SMPD3: variants seen among roughly 807,000 people sequenced by gnomAD.
The protein encoded by SMPD3 is nSMase-2.
Under a neutral mutation model 55.7 loss-of-function variants are expected in SMPD3, and 21 were observed. The ratio of observed to expected loss-of-function variants is 0.38; its 90% confidence interval spans 0.27 to 0.54. SMPD3 has a LOEUF of 0.54. Among genes scored for constraint, SMPD3 ranks in the 20% least tolerant of loss-of-function variants. SMPD3 has a pLI of 0.80. For missense variants in SMPD3, 842 were observed against 899.6 expected (o/e 0.94, Z 0.82); for synonymous variants, 457 against 404.3 (o/e 1.13, Z -1.56).
intron 7 of SMPD3, 102 bp from the exon 8 acceptor site, chr16:68,361,861 GT>G: frequency 1.0e-4 from 126 of 1,219,356 alleles, no homozygotes; most frequent in East Asian, 4.0e-4. Context: ...GTGGGAGCGG[GT>G]GGGTGGGACC....
At chr16:68,412,908 T>C (rs7200772) in intron 1 of SMPD3, among the ~76,000 whole-genome samples, 80,221 of 152,132 alleles carry the variant, frequency 0.53, 22,366 homozygotes, top group East Asian at 0.83. Flanking sequence ...GAACATTTTT[T>C]GAGTACCTGC....
At chr16:68,388,748 G>T (rs1347867964) in intron 1 of SMPD3, among the ~76,000 whole-genome samples, 1 of 152,048 alleles carries the variant, frequency 6.6e-6, no homozygotes, top group African/African-American at 2.4e-5. Flanking sequence ...GGTTCCTGAG[G>T]GGAAATGGAA....
At chr16:68,366,290 G>T (rs574312877) in intron 3 of SMPD3, among the ~76,000 whole-genome samples, 51 of 152,108 alleles carry the variant, frequency 3.4e-4, no homozygotes, top group Non-Finnish European at 4.6e-4. Flanking sequence ...GGTCAGGCTG[G>T]TATTATCTCC....
rs548308721 is a variant in SMPD3, at chr16:68,361,308, C to G, written c.1867-1G>C. 1 of 1,609,608 alleles carries G rather than the reference C, an allele frequency of 6.2e-7. No individual in the cohort carries two copies. The highest frequency in any genetic ancestry group is 2.2e-5 in the East Asian group (1 of 44,518). On this transcript the variant is annotated splice_acceptor_variant, in intron 8 of 8. Transcript: ENST00000219334. LOFTEE classifies it high-confidence loss of function. ...TGATAAAACTGAATTCTTCCACCTC[C>G]TGGGGTGAGTGGGAGAGGGGAGAAA...
intron 3 of SMPD3, chr16:68,367,208 C>T (rs1267474796): frequency 2.6e-5 from 4 of 152,298 alleles, no homozygotes; most frequent in African/African-American, 9.7e-5. Flanking sequence ...CGTCTTCAGG[C>T]AACAACTGCT....
intron 1 of SMPD3, among the ~76,000 whole-genome samples, chr16:68,409,295 AG>A (rs2090279048): frequency 6.6e-6 from 1 of 151,880 alleles, no homozygotes; most frequent in Non-Finnish European, 1.5e-5. Context: ...GGATGTGGGG[AG>A]GGGGTGCAGT....
chr16:68,385,987 C>T (rs1176740320), intron 2 of SMPD3, among the ~76,000 whole-genome samples: 2 of 152,148 alleles, frequency 1.3e-5, no homozygotes, highest in African/African-American at 4.8e-5. Flanking sequence ...CATTGGGAGG[C>T]CAAGGCGGGC....
intron 1 of SMPD3, among the ~76,000 whole-genome samples, chr16:68,420,036 T>A (rs2090377791): frequency 6.7e-6 from 1 of 149,246 alleles, no homozygotes; most frequent in South Asian, 2.1e-4. Flanking sequence ...TGGCCTGGAG[T>A]GCAGTGGTGT....
At chr16:68,367,081 T>A (rs1289867746) in intron 3 of SMPD3, among the ~76,000 whole-genome samples, 3 of 151,656 alleles carry the variant, frequency 2.0e-5, no homozygotes, top group African/African-American at 7.3e-5. Flanking sequence ...GGCAGGAGAA[T>A]CCCTTGGACC....
chr16:68,442,518 A>G (rs2090574681), intron 1 of SMPD3, among the ~76,000 whole-genome samples: 1 of 152,246 alleles, frequency 6.6e-6, no homozygotes, highest in Non-Finnish European at 1.5e-5. Flanking sequence ...ATGGAAATCC[A>G]GTCCTCCTTT....
In SMPD3 at chr16:68,422,320, C is replaced by T. The variant is rs1430496383; in HGVS notation, c.-269+26033G>A. 2.0e-5 allele frequency among the ~76,000 whole-genome samples: 3 copies of T among 152,290 alleles called. No individual in the cohort carries two copies. In the East Asian group the frequency reaches 5.8e-4, roughly 29 times the overall value. Reference sequence around the variant, plus strand: ...AATATTGTGATTCTGCAGAGGCCCTCATGGAATCTGAATTAACCTCTTCCC... The same window carrying T: ...AATATTGTGATTCTGCAGAGGCCCTTATGGAATCTGAATTAACCTCTTCCC... On this transcript the variant is annotated intron_variant, in intron 1 of 8. Coordinates refer to ENST00000219334, the MANE Select transcript of SMPD3 (RefSeq NM_018667.4).
At chr16:68,361,482 T>G in intron 8 of SMPD3, 121 bp downstream of exon 8, 1 of 1,434,464 alleles carries the variant, frequency 7.0e-7, no homozygotes, top group Non-Finnish European at 9.5e-7. Flanking sequence ...GAGGGAGTGA[T>G]GGGTATCATT....
chr16:68,428,026 G>C (rs1220248583), intron 1 of SMPD3, among the ~76,000 whole-genome samples: 3 of 152,142 alleles, frequency 2.0e-5, no homozygotes, highest in Non-Finnish European at 2.9e-5. Flanking sequence ...ATCTTCCTGT[G>C]CCTCTGTCAG....
chr16:68,439,367 G>A (rs1002573450), intron 1 of SMPD3, among the ~76,000 whole-genome samples: 2 of 152,084 alleles, frequency 1.3e-5, no homozygotes, highest in East Asian at 1.9e-4. Context: ...CCTGGGGAAG[G>A]GTTCTCAAAA....
intron 1 of SMPD3, among the ~76,000 whole-genome samples, chr16:68,431,797 C>T (rs1371730115): frequency 1.3e-5 from 2 of 152,176 alleles, no homozygotes; most frequent in Non-Finnish European, 2.9e-5. Context: ...TGGTGGGCAT[C>T]TGTAATCCCA....
At chr16:68,414,193 G>A (rs1004464824) in intron 1 of SMPD3, among the ~76,000 whole-genome samples, 10 of 152,164 alleles carry the variant, frequency 6.6e-5, no homozygotes, top group African/African-American at 1.2e-4. Flanking sequence ...TGGCTATTTC[G>A]ACATTTTAAA....
intron 7 of SMPD3, 149 bp from the exon 8 acceptor site, chr16:68,361,908 C>A: frequency 8.3e-7 from 1 of 1,205,306 alleles, no homozygotes; most frequent in Non-Finnish European, 1.1e-6. Context: ...CCTGCGGGTC[C>A]AAAAAGGGCC....
chr16:68,393,848 C>T (rs2090133250), intron 1 of SMPD3, among the ~76,000 whole-genome samples: 1 of 152,106 alleles, frequency 6.6e-6, no homozygotes, highest in African/African-American at 2.4e-5. Context: ...CTTTGCTTTC[C>T]CCTACTTGCA....
Position 68,438,047 on chromosome 16 carries a change from C to G in SMPD3, c.-269+10306G>C, listed in dbSNP as rs756709385. Among the ~76,000 whole-genome samples the G allele has an allele frequency of 2.6e-5, 4 of 152,144 alleles. No individual in the cohort carries two copies. In the South Asian group the frequency reaches 6.2e-4, roughly 24 times the overall value. ...TTGCAATGACCCCAACTCAGGCCCT[C>G]CCAGCAGCCACCCTGGGAGGCAGCT... is the stretch of plus-strand genomic sequence containing the variant. On this transcript the variant is annotated intron_variant, in intron 1 of 8. Transcript: ENST00000219334.
Sources: gnomAD v4.1 joint callset for allele counts (sites outside exome capture counted in the v4.1 genomes callset) on GRCh38, gnomAD v4.1.1 for gene constraint, MANE v1.5 for transcripts, NCBI Gene and HGNC (gene_info 2026-07-23, HGNC 2026-07-21) for gene names.